Variants in ADNP2 observed in about 807,000 individuals in gnomAD.
The protein encoded by ADNP2 is activity-dependent neuroprotector homeobox protein 2.
In ADNP2, 8 loss-of-function variants were observed where a neutral mutation model predicts 16.4. The ratio of observed to expected loss-of-function variants is 0.49; its 90% CI spans 0.29 to 0.88. ADNP2 has a LOEUF of 0.88. Ranked by LOEUF, ADNP2 falls within the 40% of genes least tolerant of loss-of-function variation. The pLI is 0.09. For missense variants in ADNP2, 1,397 were observed against 1,395.1 expected, an observed-to-expected ratio of 1.00 and a Z score of -0.02; for synonymous variants, 637 against 545.8, an observed-to-expected ratio of 1.17 and a Z score of -2.33.
chr18:80,138,652 T>G lies in ADNP2; in HGVS notation c.3239T>G (p.Phe1080Cys). 1 of 1,611,866 alleles carries G rather than the reference T, an allele frequency of 6.2e-7. No individual in the cohort carries two copies. Among genetic ancestry groups the G allele is most frequent in the Non-Finnish European group, 8.5e-7 (1 of 1,179,524 alleles). ...GAAATAGAACTGTTGTCCTCACTCT[T>G]TTGGGTGTGGAAAATTGATGTGGCT... ...KKEIELLSSL[F>C]WVWKIDVASF... Residue 1080 changes from phenylalanine to cysteine, a missense_variant, in exon 4 of 4, where the codon TTT (phenylalanine) becomes TGT (cysteine). Physicochemically the swap from Phe to Cys is radical, Grantham distance 205. Around this residue, in one of 3 missense-constraint regions of ADNP2, gnomAD observed 611 missense variants for 648.7 expected, o/e 0.94. Transcript: ENST00000262198.
intron 2 of ADNP2, among the ~76,000 whole-genome samples, chr18:80,132,396 A>G (rs1224501531): frequency 2.0e-5 from 3 of 152,232 alleles, no homozygotes; most frequent in East Asian, 3.8e-4. Flanking sequence ...GAAGATGTGC[A>G]TAGGTTACAT....
At chr18:80,129,826 G>C (rs2052484722) in intron 2 of ADNP2, among the ~76,000 whole-genome samples, 1 of 152,184 alleles carries the variant, frequency 6.6e-6, no homozygotes, top group African/African-American at 2.4e-5. Context: ...GGTCCTAGAT[G>C]GTAGTTTTAT....
At chr18:80,118,489 C>T (rs886338718) in intron 2 of ADNP2, among the ~76,000 whole-genome samples, 3 of 151,756 alleles carry the variant, frequency 2.0e-5, no homozygotes, top group African/African-American at 2.4e-5. Flanking sequence ...ATTTTTGTCT[C>T]GTCTAATCAT....
chr18:80,110,884 A>G (rs924983406), intron 1 of ADNP2, among the ~76,000 whole-genome samples: 2 of 152,120 alleles, frequency 1.3e-5, no homozygotes, highest in Non-Finnish European at 2.9e-5. Flanking sequence ...AGTGAGGGTT[A>G]GGACATGTCT....
chr18:80,133,004 A>C (rs2145210418), intron 2 of ADNP2, 99 bp from the exon 3 acceptor site: 1 of 869,032 alleles, frequency 1.2e-6, no homozygotes, highest in South Asian at 1.5e-5. Flanking sequence ...TACAAGCATG[A>C]ACCACTATGC....
Position 80,138,384 on chromosome 18 carries a change from C to A in ADNP2, c.2971C>A (p.Arg991=). Reference sequence around the variant, plus strand: ...CGGCCACTTAGGGGCCGAAGACCAGCGGCATGGGGAGGAGCAGCCTCCCAT... The same window carrying A: ...CGGCCACTTAGGGGCCGAAGACCAGAGGCATGGGGAGGAGCAGCCTCCCAT... ...PDGHLGAEDQ[R]HGEEQPPILN... The change falls in exon 4 of 4, where the codon CGG becomes AGG. Residue 991 remains arginine (R), a synonymous_variant. Transcript: ENST00000262198. 6.2e-7 allele frequency: 1 copy of A among 1,614,032 alleles called. No homozygotes were observed. The highest frequency in any genetic ancestry group is 8.5e-7 in the Non-Finnish European group (1 of 1,180,032).
intron 2 of ADNP2, among the ~76,000 whole-genome samples, chr18:80,119,083 A>G (rs1400688535): frequency 1.3e-5 from 2 of 152,310 alleles, no homozygotes; most frequent in East Asian, 3.9e-4. Flanking sequence ...ATTTTTAAAA[A>G]CGGGATATAT....
At chr18:80,135,032 GA>G (rs1455087682) in intron 3 of ADNP2, among the ~76,000 whole-genome samples, 1 of 152,206 alleles carries the variant, frequency 6.6e-6, no homozygotes, top group Non-Finnish European at 1.5e-5. Context: ...GAAATGGGAT[GA>G]GGGGGAGAAA....
rs759092609 is a variant in ADNP2 at position 80,136,713 on chromosome 18, T to A, written c.1300T>A (p.Ser434Thr). 26 of 1,613,236 alleles carry A rather than the reference T, an allele frequency of 1.6e-5. No individual in the cohort carries two copies. The East Asian group carries it at 5.8e-4, about 36-fold the overall frequency. Residue 434 changes from serine (S) to threonine (T), a missense_variant, in exon 4 of 4, where the codon TCG becomes ACG. Ser to Thr is a moderately conservative substitution (Grantham distance 58, BLOSUM62 1). This residue lies in a region of ADNP2 where 777 missense variants were observed against 719.4 expected (regional missense o/e 1.08). Coordinates refer to ENST00000262198, the MANE Select transcript of ADNP2 (RefSeq NM_014913.4). ...SVTPGVLQAV[S>T]PGVLSVSRAV... ...CACCCCTGGGGTCCTGCAGGCTGTC[T>A]CGCCAGGGGTGCTTTCTGTGAGTCG...
chr18:80,131,863 G>C (rs934765150), intron 2 of ADNP2, among the ~76,000 whole-genome samples: 3 of 151,862 alleles, frequency 2.0e-5, no homozygotes, highest in Non-Finnish European at 4.4e-5. Flanking sequence ...GTGGGGGGCA[G>C]GGGGAGGGAT....
At chr18:80,129,910 C>G (rs1226353015) in intron 2 of ADNP2, among the ~76,000 whole-genome samples, 2 of 152,192 alleles carry the variant, frequency 1.3e-5, no homozygotes, top group East Asian at 3.8e-4. Flanking sequence ...CTTCTGTAAA[C>G]TCTTGTTTTA....
At chr18:80,125,414 T>C (rs1257807496) in intron 2 of ADNP2, among the ~76,000 whole-genome samples, 2 of 152,006 alleles carry the variant, frequency 1.3e-5, no homozygotes, top group East Asian at 1.9e-4. Flanking sequence ...GAGGCCGAGG[T>C]GGGCGGATCA....
intron 2 of ADNP2, among the ~76,000 whole-genome samples, chr18:80,132,673 T>TC (rs60916384): frequency 0.42 from 61,684 of 145,960 alleles, 14,337 homozygotes; most frequent in African/African-American, 0.61. Flanking sequence ...CTCTCCCCTC[T>TC]TCCTCCCCTC....
intron 1 of ADNP2, among the ~76,000 whole-genome samples, chr18:80,114,695 T>TTA (rs2052378343): frequency 6.6e-6 from 1 of 152,146 alleles, no homozygotes; most frequent in African/African-American, 2.4e-5. Flanking sequence ...GTAAGACATT[T>TTA]TATTTAAGAA....
chr18:80,132,936 G>T (rs1424233671), intron 2 of ADNP2, among the ~76,000 whole-genome samples, 167 bp from the exon 3 acceptor site: 1 of 152,090 alleles, frequency 6.6e-6, no homozygotes, highest in Admixed American at 6.5e-5. Flanking sequence ...GGCCAGGCTG[G>T]TCTCGACCTC....
chr18:80,117,554 T>C lies in ADNP2; in HGVS notation c.12T>C (p.Ile4=). Reference sequence around the variant, plus strand: ...GGAAAATTTCAAAAATGTTTCAAATTCCTGTGGAAAATCTTGACAACATCA... The same window carrying C: ...GGAAAATTTCAAAAATGTTTCAAATCCCTGTGGAAAATCTTGACAACATCA... MFQ[I]PVENLDNIRK... The change falls in exon 2 of 4, where the codon ATT becomes ATC. Residue 4 remains isoleucine (I), a synonymous_variant. Transcript: ENST00000262198. The C allele has an allele frequency of 6.3e-7, 1 of 1,593,856 alleles. No homozygotes were observed. The highest frequency in any genetic ancestry group is 1.9e-5 in the Admixed American group (1 of 53,172).
chr18:80,133,075 AT>A (rs1568413735), intron 2 of ADNP2, 27 bp from the exon 3 acceptor site: 1 of 1,428,588 alleles, frequency 7.0e-7, no homozygotes, highest in Non-Finnish European at 9.8e-7. Flanking sequence ...AATTTACATA[AT>A]CTCTTTTTTT....
chr18:80,125,187 A>G (rs976366881), intron 2 of ADNP2, among the ~76,000 whole-genome samples: 1 of 152,196 alleles, frequency 6.6e-6, no homozygotes, highest in Non-Finnish European at 1.5e-5. Flanking sequence ...GGGTTGGCAA[A>G]CTATAGCCCA....
intron 1 of ADNP2, among the ~76,000 whole-genome samples, chr18:80,111,143 T>G (rs1239809608): frequency 6.6e-6 from 1 of 152,204 alleles, no homozygotes. Flanking sequence ...GAAACCGGTA[T>G]CTCCCAGTGA....
Sources: gnomAD v4.1 joint callset for allele counts (sites outside exome capture counted in the v4.1 genomes callset) on GRCh38, gnomAD v4.1.1 for gene constraint, gnomAD v4.1.1 regional missense constraint, MANE v1.5 for transcripts, NCBI Gene and HGNC (gene_info 2026-07-23, HGNC 2026-07-21) for gene names.